The following CCT6A variants were observed in gnomAD, a reference collection of about 807,000 sequenced individuals.
CCT6A encodes the protein chaperonin containing TCP1 subunit 6A.
Under a neutral mutation model 58.6 loss-of-function variants are expected in CCT6A, and 6 were observed. That is an observed-to-expected ratio of 0.10 (90% confidence interval 0.06 to 0.20). The LOEUF (loss-of-function observed/expected upper bound fraction) is 0.20. CCT6A is among the 10% of genes least tolerant of loss of function. The probability of loss-of-function intolerance (pLI) is 1.00; values close to 1 mark genes in which losing one functional copy is unlikely to be tolerated. For missense variants in CCT6A, 516 were observed against 648.8 expected, an observed-to-expected ratio of 0.80 and a Z score of 2.22; for synonymous variants, 245 against 227.8, an observed-to-expected ratio of 1.08 and a Z score of -0.68.
intron 4 of CCT6A, 102 bp from the exon 5 acceptor site, chr7:56,056,209 T>C (rs1482510743): frequency 7.9e-6 from 6 of 755,228 alleles, no homozygotes; most frequent in Non-Finnish European, 1.5e-5. Context: ...CTTAAATCAG[T>C]GTAGAATTGT....
In CCT6A at chr7:56,058,073, C is replaced by G. The variant is rs903196735; in HGVS notation, c.695C>G (p.Thr232Ser). 37 of 1,601,176 alleles carry G rather than the reference C, an allele frequency of 2.3e-5. No individual in the cohort carries two copies. Among genetic ancestry groups the G allele is most frequent in the Non-Finnish European group, 3.1e-5 (36 of 1,168,308 alleles). ...KKRVEDAYILTCNVSLEYEKT... is the reference protein window; with the variant it reads ...KKRVEDAYILSCNVSLEYEKT... ...AGGGTGGAGGATGCATACATCCTCA[C>G]TTGTAACGTGTCATTAGAGTATGAG... Residue 232 changes from threonine (T) to serine (S), a missense_variant, in exon 6 of 14, where the codon ACT becomes AGT. By Grantham distance (58) the Thr-to-Ser change is moderately conservative. Coordinates refer to ENST00000275603, the MANE Select transcript of CCT6A (RefSeq NM_001762.4).
rs779908729 is a variant in CCT6A, at chr7:56,051,847, C to G, written c.-2C>G. On this transcript the variant is annotated 5_prime_UTR_variant, in exon 1 of 14. Coordinates refer to ENST00000275603, the MANE Select transcript of CCT6A (RefSeq NM_001762.4). ...GTTTCCTTTTCCTCCGCTGGAGCAG[C>G]TATGGCGGCGGTGAAGACCCTGAAC... The G allele has an allele frequency of 1.3e-6, 2 of 1,558,516 alleles. No homozygotes were observed. Among genetic ancestry groups the G allele is most frequent in the East Asian group, 2.4e-5 (1 of 41,326 alleles).
At chr7:56,061,681 T>G in intron 11 of CCT6A, 66 bp from the exon 12 acceptor site, 1 of 537,320 alleles carries the variant, frequency 1.9e-6, no homozygotes, top group East Asian at 4.3e-5. Flanking sequence ...TTTTTTTTTT[T>G]TTTTTTTTTT....
chr7:56,058,055 A>C lies in CCT6A; in HGVS notation c.677A>C (p.Glu226Ala). Residue 226 changes from glutamate (E) to alanine (A), a missense_variant, in exon 6 of 14, where the codon GAG becomes GCG. This residue lies in a region of CCT6A where 315 missense variants were observed against 389.4 expected (regional missense o/e 0.81). Coordinates refer to ENST00000275603, the MANE Select transcript of CCT6A (RefSeq NM_001762.4). ...ARHPDMKKRV[E>A]DAYILTCNVS... ...CATCCTGATATGAAGAAAAGGGTGG[A>C]GGATGCATACATCCTCACTTGTAAC... 6.2e-7 allele frequency: 1 copy of C among 1,612,558 alleles called. No individual in the cohort carries two copies. The highest frequency in any genetic ancestry group is 8.5e-7 in the Non-Finnish European group (1 of 1,178,554).
In CCT6A at chr7:56,051,917, C is replaced by T. The variant is rs1272856789; in HGVS notation, c.69C>T (p.Asn23=). 3.9e-6 allele frequency: 6 copies of T among 1,552,276 alleles called. No individual in the cohort carries two copies. The highest frequency in any genetic ancestry group is 3.4e-4 in the Middle Eastern group (2 of 5,964). The change falls in exon 1 of 14, where the codon AAC becomes AAT. Residue 23 remains asparagine, a synonymous_variant. Transcript: ENST00000275603. The part of the protein sequence containing the change: ...VARAQAALAV[N]ISAARGLQDV... ...GAGCGCAGGCGGCGCTGGCGGTCAA[C>T]ATCAGCGCAGCGCGGGGTCTGCAGG...
rs141981984 is a variant in CCT6A, at chr7:56,054,008, T to C, written c.202-361T>C. Among the ~76,000 whole-genome samples the C allele has an allele frequency of 9.3e-3, 1,421 of 152,252 alleles. 31 individuals carry two copies. Among genetic ancestry groups the C allele is most frequent in the African/African-American group, 0.033 (1,360 of 41,538 alleles). On this transcript the variant is annotated intron_variant, in intron 2 of 13. Transcript: ENST00000275603. Reference sequence around the variant, plus strand: ...CCTACAAAAATAATTATAATGTGTGTGCCCTTTAGGAGATACCTGGCTTAT... The same window carrying C: ...CCTACAAAAATAATTATAATGTGTGCGCCCTTTAGGAGATACCTGGCTTAT...
At chr7:56,055,598 C>T (rs1294889115) in intron 3 of CCT6A, 26 bp from the exon 4 acceptor site, 1 of 1,589,874 alleles carries the variant, frequency 6.3e-7, no homozygotes, top group African/African-American at 1.3e-5. Context: ...ATTGAAGATG[C>T]AAGTGTTAAT....
chr7:56,053,606 T>C (rs758333285), intron 2 of CCT6A, among the ~76,000 whole-genome samples: 1 of 152,030 alleles, frequency 6.6e-6, no homozygotes, highest in African/African-American at 2.4e-5. Flanking sequence ...ATACAAAAAT[T>C]AGCCGGGTGT....
At position 56,059,687 on chromosome 7, in the gene CCT6A, AATT is replaced by A. The variant is rs200832854; in HGVS notation, c.1065+51_1065+53del. 7.3e-5 allele frequency: 70 copies of A among 960,470 alleles called. 2 individuals carry two copies. In the African/African-American group the frequency reaches 1.0e-3, roughly 14 times the overall value. The allele number at this position is 960,470 out of a possible 1,614,324, so 59.5% of individuals were successfully genotyped here. On this transcript the variant is annotated intron_variant, in intron 9 of 13. Transcript: ENST00000275603. ...AGGTAATAGAACCTTTTAGCTCGTG[AATT>A]ATTTTTGTTTGTTTGTTTGAGGTGG...
At chr7:56,059,932 G>A (rs1794397512) in intron 9 of CCT6A, 2 of 406,312 alleles carry the variant, frequency 4.9e-6, no homozygotes, top group Non-Finnish European at 8.9e-6. Context: ...AAACTCCCGG[G>A]CTCAGGCTGT....
chr7:56,058,260 G>T, intron 6 of CCT6A, 102 bp from the exon 7 acceptor site: 1 of 935,184 alleles, frequency 1.1e-6, no homozygotes. Flanking sequence ...TAAGGGGCAG[G>T]ATTGGAGCTC....
At position 56,060,881 on chromosome 7, in the gene CCT6A, A is replaced by G; in HGVS notation, c.1288A>G (p.Lys430Glu). ...CCTGATTAAACATAAGCCCAGTGTA[A>G]AGGGCAGGGCACAGCTTGGAGTCCA... ...EALIKHKPSVKGRAQLGVQAF... is the reference protein window; with the variant it reads ...EALIKHKPSVEGRAQLGVQAF... The change falls in exon 11 of 14, where the codon AAG becomes GAG. Residue 430 changes from lysine to glutamate, a missense_variant. Transcript: ENST00000275603. 1 of 1,613,850 alleles carries G rather than the reference A, an allele frequency of 6.2e-7. No homozygotes were observed. The highest frequency in any genetic ancestry group is 8.5e-7 in the Non-Finnish European group (1 of 1,179,944).
At chr7:56,059,909 C>T (rs1441506490) in intron 9 of CCT6A, 1 of 406,484 alleles carries the variant, frequency 2.5e-6, no homozygotes, top group African/African-American at 2.0e-5. Context: ...ATTGTGTTGC[C>T]CAGGCTGGTC....
chr7:56,052,677 C>T (rs1194264189), intron 2 of CCT6A, among the ~76,000 whole-genome samples, 192 bp downstream of exon 2: 2 of 151,962 alleles, frequency 1.3e-5, no homozygotes, highest in Admixed American at 1.3e-4. Flanking sequence ...ATTCACAGTC[C>T]GGGCTAAAGG....
Position 56,063,222 on chromosome 7 carries a change from CTG to C in CCT6A, c.*139_*140del. Reference sequence around the variant, plus strand: ...TGAAAAAAGGAGAGAACACTGGCATCTGTTGAAATTTGGAAGTTCTGAAATTA... The same window carrying C: ...TGAAAAAAGGAGAGAACACTGGCATCTTGAAATTTGGAAGTTCTGAAATTA... On this transcript the variant is annotated 3_prime_UTR_variant, in exon 14 of 14. Transcript: ENST00000275603. The C allele has an allele frequency of 1.5e-6, 1 of 671,856 alleles. No individual in the cohort carries two copies. The highest frequency in any genetic ancestry group is 2.6e-5 in the Admixed American group (1 of 38,560). The allele number at this position is 671,856 out of a possible 1,614,324, so 41.6% of individuals were successfully genotyped here.
At chr7:56,060,986 C>A in intron 11 of CCT6A, 46 bp downstream of exon 11, 1 of 1,550,798 alleles carries the variant, frequency 6.4e-7, no homozygotes, top group Non-Finnish European at 8.7e-7. Context: ...TTCAGCTGAT[C>A]AAACCTTTCT....
chr7:56,058,464 A>G lies in CCT6A; in HGVS notation c.828A>G (p.Glu276=). The G allele has an allele frequency of 6.2e-7, 1 of 1,601,364 alleles. No individual in the cohort carries two copies. Among genetic ancestry groups the G allele is most frequent in the Non-Finnish European group, 8.5e-7 (1 of 1,176,340 alleles). The change falls in exon 7 of 14, where the codon GAA becomes GAG. Residue 276 remains glutamate, a synonymous_variant. Transcript: ENST00000275603. ...FIEDRVKKII[E]LKRKVCGDSD... is the part of the protein sequence containing the mutation. ...AAGATAGGGTTAAAAAAATAATAGAACTGAAAAGGAAAGTCTGTGGCGATT... is the reference window on the plus strand; with the variant it reads ...AAGATAGGGTTAAAAAAATAATAGAGCTGAAAAGGAAAGTCTGTGGCGATT...
intron 11 of CCT6A, 57 bp from the exon 12 acceptor site, chr7:56,061,690 T>TA: frequency 1.8e-6 from 1 of 560,360 alleles, no homozygotes; most frequent in Non-Finnish European, 3.1e-6. Flanking sequence ...TTTTTTTTTT[T>TA]TTTTACTATC....
In CCT6A at chr7:56,061,840, C is replaced by A; in HGVS notation, c.1441C>A (p.Leu481Met). Reference protein sequence around the residue: ...SESGQLVGVDLNTGEPMVAAE... With the variant: ...SESGQLVGVDMNTGEPMVAAE... ...ATCAGGTCAGCTTGTGGGTGTGGACCTGAACACAGGTAAGAGAATGCAACT... is the reference window on the plus strand; with the variant it reads ...ATCAGGTCAGCTTGTGGGTGTGGACATGAACACAGGTAAGAGAATGCAACT... The change falls in exon 12 of 14, where the codon CTG (leucine) becomes ATG (methionine). Residue 481 changes from leucine to methionine, a missense_variant. By Grantham distance (15) the Leu-to-Met change is conservative. Transcript: ENST00000275603. 1.3e-6 allele frequency: 2 copies of A among 1,577,268 alleles called. No homozygotes were observed. The highest frequency in any genetic ancestry group is 2.7e-5 in the African/African-American group (2 of 73,120).
Sources: allele counts gnomAD v4.1 joint callset (sites outside exome capture counted in the v4.1 genomes callset), GRCh38; gene constraint gnomAD v4.1.1; regional missense constraint gnomAD v4.1.1; transcripts MANE v1.5; gene names NCBI Gene and HGNC (gene_info 2026-07-23, HGNC 2026-07-21).